Variants in C1orf21 observed in about 807,000 individuals in gnomAD.
C1orf21 encodes the protein uncharacterized protein C1orf21.
C1orf21 carries 3 observed loss-of-function variants against 18.7 expected under a neutral mutation model. The observed-to-expected ratio is 0.16, with a 90% confidence interval of 0.07 to 0.42. The LOEUF (loss-of-function observed/expected upper bound fraction) is 0.42, where lower values mean the gene tolerates loss of function less well. Ranked by LOEUF, C1orf21 falls within the 10% of genes least tolerant of loss-of-function variation. C1orf21 has a pLI of 0.99. For missense variants in C1orf21, 104 were observed against 143.6 expected (o/e 0.72, Z 1.41); for synonymous variants, 41 against 46.4 (o/e 0.88, Z 0.47).
chr1:184,596,162 A>G (rs1659510427), intron 4 of C1orf21, among the ~76,000 whole-genome samples: 2 of 152,160 alleles, frequency 1.3e-5, no homozygotes, highest in African/African-American at 2.4e-5. Context: ...GTGCATGTGT[A>G]TGAGTACTGA....
chr1:184,537,676 G>A (rs997595992), intron 3 of C1orf21, among the ~76,000 whole-genome samples: 2 of 151,942 alleles, frequency 1.3e-5, no homozygotes, highest in African/African-American at 4.8e-5. Context: ...TTGAGACAGA[G>A]TCTCACTCTC....
At chr1:184,464,896 T>C (rs1359031843) in intron 1 of C1orf21, among the ~76,000 whole-genome samples, 3 of 152,164 alleles carry the variant, frequency 2.0e-5, no homozygotes, top group Non-Finnish European at 2.9e-5. Flanking sequence ...GTAAGTTATC[T>C]AAACTCTGCC....
intron 4 of C1orf21, 33 bp downstream of exon 4, chr1:184,590,848 C>T (rs748483080): frequency 1.0e-5 from 16 of 1,556,952 alleles, no homozygotes; most frequent in Non-Finnish European, 1.3e-5. Context: ...CTTATATAGT[C>T]GGCCTTCCAT....
chr1:184,536,038 G>A (rs995959991), intron 3 of C1orf21, among the ~76,000 whole-genome samples: 2 of 152,126 alleles, frequency 1.3e-5, no homozygotes, highest in Admixed American at 1.3e-4. Context: ...CATTCAAGAA[G>A]GAATTGCAGA....
chr1:184,421,741 G>A (rs1480458820), intron 1 of C1orf21, among the ~76,000 whole-genome samples: 2 of 152,186 alleles, frequency 1.3e-5, no homozygotes, highest in Non-Finnish European at 2.9e-5. Context: ...CCATGGGTGA[G>A]AAATTCAAGA....
At chr1:184,540,008 T>C (rs1190619334) in intron 3 of C1orf21, 1 of 152,356 alleles carries the variant, frequency 6.6e-6, no homozygotes, top group African/African-American at 2.4e-5. Flanking sequence ...TAAACCCTTG[T>C]TGTTTTAAGC....
intron 3 of C1orf21, among the ~76,000 whole-genome samples, chr1:184,519,933 A>T (rs1393714397): frequency 6.6e-6 from 1 of 152,144 alleles, no homozygotes; most frequent in Admixed American, 6.5e-5. Flanking sequence ...CTGAAAATGG[A>T]GTTTATTCTT....
rs141633164 is a variant in C1orf21, at chr1:184,620,585, C to T, written c.*1029C>T. The T allele has an allele frequency of 1.3e-5, 2 of 152,740 alleles. No individual in the cohort carries two copies. The highest frequency in any genetic ancestry group is 2.9e-5 in the Non-Finnish European group (2 of 68,028). 9.5% of individuals were successfully genotyped at this position (152,740 alleles called of 1,614,324 possible). On this transcript the variant is annotated 3_prime_UTR_variant, in exon 6 of 6. Coordinates refer to ENST00000235307, the MANE Select transcript of C1orf21 (RefSeq NM_030806.4). ...AACCATCCTATTTTGTAACTCTCCC[C>T]CTTCAAAATGCTACATGAGCCTTGC...
At chr1:184,616,346 C>T (rs1305107740) in intron 5 of C1orf21, among the ~76,000 whole-genome samples, 2 of 152,210 alleles carry the variant, frequency 1.3e-5, no homozygotes, top group African/African-American at 4.8e-5. Context: ...TCTGAGCTTC[C>T]CCCGCAAGCA....
chr1:184,525,428 A>G (rs1161867074), intron 3 of C1orf21, among the ~76,000 whole-genome samples: 1 of 151,370 alleles, frequency 6.6e-6, no homozygotes. Context: ...TAGCTTTTCT[A>G]TTTGTTTGTT....
At chr1:184,567,725 A>G (rs1558004658) in intron 3 of C1orf21, 2 of 334,042 alleles carry the variant, frequency 6.0e-6, no homozygotes, top group Non-Finnish European at 1.2e-5. Flanking sequence ...GAATATGGAC[A>G]GTTAATTGTT....
At chr1:184,417,309 G>A (rs1222207548) in intron 1 of C1orf21, among the ~76,000 whole-genome samples, 2 of 152,182 alleles carry the variant, frequency 1.3e-5, no homozygotes, top group Admixed American at 1.3e-4. Flanking sequence ...TGCTTCCATA[G>A]CGACAATGCT....
chr1:184,535,771 A>C (rs893939976), intron 3 of C1orf21, among the ~76,000 whole-genome samples: 2 of 152,192 alleles, frequency 1.3e-5, no homozygotes, highest in South Asian at 4.1e-4. Flanking sequence ...TCCTACTCAG[A>C]AGGAAGTATA....
Position 184,399,521 on chromosome 1 carries a change from C to T in C1orf21, c.-125+12153C>T, listed in dbSNP as rs575341153. Among the ~76,000 whole-genome samples the T allele has an allele frequency of 3.1e-3, 475 of 152,092 alleles. 1 individual carries two copies. Among genetic ancestry groups the T allele is most frequent in the African/African-American group, 0.011 (450 of 41,482 alleles). On this transcript the variant is annotated intron_variant, in intron 1 of 5. Transcript: ENST00000235307. Reference sequence around the variant, plus strand: ...GGGACTATAGGTGTATGCCACCACACCCAGCTAATATTTTGTAGAGAGGGG... The same window carrying T: ...GGGACTATAGGTGTATGCCACCACATCCAGCTAATATTTTGTAGAGAGGGG...
chr1:184,520,924 G>T (rs541889158), intron 3 of C1orf21, among the ~76,000 whole-genome samples: 1 of 152,020 alleles, frequency 6.6e-6, no homozygotes, highest in South Asian at 2.1e-4. Context: ...ATGGAATCTC[G>T]CTCTTGTTGC....
chr1:184,449,219 G>T (rs896604314), intron 1 of C1orf21, among the ~76,000 whole-genome samples: 9 of 146,350 alleles, frequency 6.1e-5, no homozygotes, highest in Admixed American at 3.5e-4. Flanking sequence ...CCTACAACAG[G>T]CCCCGGTGTG....
At chr1:184,591,820 AAAAG>A (rs1200378369) in intron 4 of C1orf21, among the ~76,000 whole-genome samples, 1 of 152,106 alleles carries the variant, frequency 6.6e-6, no homozygotes, top group Non-Finnish European at 1.5e-5. Context: ...AAAAAAAAAA[AAAAG>A]AAAATATAAT....
rs201312384 is a variant in C1orf21, at chr1:184,413,277, A to T, written c.-125+25909A>T. Reference sequence around the variant, plus strand: ...GTGTGACAAAATATATGTGGGAGAAATTCTTAAAATGCTAATATTTGTCAT... The same window carrying T: ...GTGTGACAAAATATATGTGGGAGAATTTCTTAAAATGCTAATATTTGTCAT... On this transcript the variant is annotated intron_variant, in intron 1 of 5. Transcript: ENST00000235307. Among the ~76,000 whole-genome samples the T allele has an allele frequency of 8.5e-3, 1,300 of 152,304 alleles. 50 individuals are homozygous for T. Among genetic ancestry groups the T allele is most frequent in the East Asian group, 0.069 (359 of 5,170 alleles).
chr1:184,522,326 T>C (rs1332912811), intron 3 of C1orf21, among the ~76,000 whole-genome samples: 1 of 152,200 alleles, frequency 6.6e-6, no homozygotes, highest in Non-Finnish European at 1.5e-5. Context: ...ACACTTATTT[T>C]ATTGCTCTGT....
Sources: allele counts gnomAD v4.1 joint callset (sites outside exome capture counted in the v4.1 genomes callset), GRCh38; gene constraint gnomAD v4.1.1; transcripts MANE v1.5; gene names NCBI Gene and HGNC (gene_info 2026-07-23, HGNC 2026-07-21).